The following RORA variants were observed in gnomAD, a reference collection of about 807,000 sequenced individuals.
RORA encodes RAR related orphan receptor A, also known as nuclear receptor ROR-alpha.
Under a neutral mutation model 69.5 loss-of-function variants are expected in RORA, and 7 were observed. The ratio of observed to expected loss-of-function variants is 0.10; its 90% CI spans 0.06 to 0.19. The LOEUF is 0.19. Ranked by LOEUF, RORA falls within the 10% of genes least tolerant of loss-of-function variation. RORA has a pLI of 1.00. For synonymous variants in RORA, 261 were observed against 240.8 expected (o/e 1.08, Z -0.78); for missense variants, 457 against 663.0 (o/e 0.69, Z 3.41).
intron 2 of RORA, among the ~76,000 whole-genome samples, chr15:60,668,702 C>A (rs1488262199): frequency 6.6e-6 from 1 of 151,886 alleles, no homozygotes; most frequent in Non-Finnish European, 1.5e-5. Flanking sequence ...TCAGTTTTGT[C>A]GACACAAAAA....
At chr15:60,613,447 T>G (rs753223600) in intron 2 of RORA, among the ~76,000 whole-genome samples, 13 of 152,168 alleles carry the variant, frequency 8.5e-5, no homozygotes, top group Non-Finnish European at 1.6e-4. Context: ...AATCTTGTCC[T>G]GTCGCTTGTC....
In RORA at chr15:60,802,981, C is replaced by T. The variant is rs559300576; in HGVS notation, c.167-124295G>A. Among the ~76,000 whole-genome samples, 380 of 152,154 alleles carry T rather than the reference C, an allele frequency of 2.5e-3. 1 individual carries two copies. Among genetic ancestry groups the T allele is most frequent in the Non-Finnish European group, 4.5e-3 (308 of 68,002 alleles). On this transcript the variant is annotated intron_variant, in intron 1 of 10. Transcript: ENST00000335670. ...TTAAAAAAAAAAATTTAAAGCCATA[C>T]CACTTTATTTTGATTAATATGGACA...
At chr15:60,882,560 C>T (rs1294768537) in intron 1 of RORA, among the ~76,000 whole-genome samples, 1 of 152,018 alleles carries the variant, frequency 6.6e-6, no homozygotes. Context: ...ATGCGGCACT[C>T]AGGTTAGGTA....
At chr15:60,960,878 A>G (rs1286442077) in intron 1 of RORA, among the ~76,000 whole-genome samples, 1 of 152,144 alleles carries the variant, frequency 6.6e-6, no homozygotes, top group Admixed American at 6.6e-5. Flanking sequence ...CCTCAAAGCA[A>G]CCCAAGAGAC....
intron 1 of RORA, among the ~76,000 whole-genome samples, chr15:60,880,059 A>C (rs914837649): frequency 1.3e-5 from 2 of 152,196 alleles, no homozygotes; most frequent in East Asian, 3.8e-4. Flanking sequence ...TGGCCTGCAC[A>C]CAGACAAATG....
chr15:60,906,049 T>G (rs1355346460), intron 1 of RORA, among the ~76,000 whole-genome samples: 1 of 152,222 alleles, frequency 6.6e-6, no homozygotes, highest in Non-Finnish European at 1.5e-5. Context: ...CCCTTTTACT[T>G]GAGCATCATT....
At chr15:60,707,104 C>T (rs535723094) in intron 1 of RORA, among the ~76,000 whole-genome samples, 138 of 152,268 alleles carry the variant, frequency 9.1e-4, no homozygotes, top group South Asian at 2.9e-3. Flanking sequence ...ACAAGTCCAT[C>T]CGATGGCCCT....
Position 60,606,280 on chromosome 15 carries a change from C to T in RORA, c.196+72377G>A, listed in dbSNP as rs183973117. ...CATTCAGTAAATGCTATTGTTGGAA[C>T]GAATGAATGAATTAAAGGGCTCCTA... On this transcript the variant is annotated intron_variant, in intron 2 of 10. Transcript: ENST00000335670. Among the ~76,000 whole-genome samples the T allele has an allele frequency of 8.3e-4, 127 of 152,242 alleles. 1 individual carries two copies. The highest frequency in any genetic ancestry group is 2.9e-3 in the African/African-American group (122 of 41,532).
intron 1 of RORA, among the ~76,000 whole-genome samples, chr15:61,016,895 C>T (rs949444577): frequency 6.6e-6 from 1 of 152,054 alleles, no homozygotes; most frequent in Non-Finnish European, 1.5e-5. Context: ...TAAGTGAGAC[C>T]TGGAAATAAG....
At chr15:60,757,599 C>T (rs931490995) in intron 1 of RORA, among the ~76,000 whole-genome samples, 1 of 152,168 alleles carries the variant, frequency 6.6e-6, no homozygotes, top group African/African-American at 2.4e-5. Context: ...AATCCGTCTT[C>T]TGATTCTGAG....
At chr15:61,054,109 G>A (rs1334319008) in intron 1 of RORA, among the ~76,000 whole-genome samples, 1 of 151,756 alleles carries the variant, frequency 6.6e-6, no homozygotes, top group Non-Finnish European at 1.5e-5. Flanking sequence ...AAATCCACTT[G>A]GATTGAGCAT....
At chr15:60,735,733 T>A (rs2071488317) in intron 1 of RORA, among the ~76,000 whole-genome samples, 1 of 152,064 alleles carries the variant, frequency 6.6e-6, no homozygotes, top group Non-Finnish European at 1.5e-5. Context: ...TGGGTAAAAT[T>A]TCACAAGGCA....
At chr15:60,742,785 T>A (rs1012452321) in intron 1 of RORA, among the ~76,000 whole-genome samples, 1 of 152,204 alleles carries the variant, frequency 6.6e-6, no homozygotes, top group Non-Finnish European at 1.5e-5. Flanking sequence ...TCTAGGTCCA[T>A]CCATGTTGTT....
rs2079529988 is a variant in RORA, at chr15:61,165,148, ATTC to A, written c.166+63902_166+63904del. 2.0e-5 allele frequency among the ~76,000 whole-genome samples: 3 copies of A among 152,286 alleles called. No homozygotes were observed. In the South Asian group the frequency reaches 6.2e-4, roughly 32 times the overall value. Reference sequence around the variant, plus strand: ...CTGTGTGTGAAAAAACACTTGTTTCATTCTTTTCACCTTCCTGCTGCCTCAACA... The same window carrying A: ...CTGTGTGTGAAAAAACACTTGTTTCATTTTCACCTTCCTGCTGCCTCAACA... On this transcript the variant is annotated intron_variant, in intron 1 of 10. Transcript: ENST00000335670.
Position 61,208,692 on chromosome 15 carries a change from G to C in RORA, c.166+20361C>G, listed in dbSNP as rs149256713. 1.5e-3 allele frequency among the ~76,000 whole-genome samples: 232 copies of C among 152,268 alleles called. 4 individuals carry two copies. The East Asian group carries it at 0.039, about 25-fold the overall frequency. On this transcript the variant is annotated intron_variant, in intron 1 of 10. Transcript: ENST00000335670. Reference sequence around the variant, plus strand: ...GTTCAGTGCCTCTCTGTACTAAGGAGAAGGTGAGGTCTCAGGGTGAAAGCC... The same window carrying C: ...GTTCAGTGCCTCTCTGTACTAAGGACAAGGTGAGGTCTCAGGGTGAAAGCC...
chr15:60,510,841 G>T (rs951453481), intron 5 of RORA, among the ~76,000 whole-genome samples: 14 of 151,782 alleles, frequency 9.2e-5, no homozygotes, highest in African/African-American at 3.2e-4. Flanking sequence ...AAAAAAATAT[G>T]TCTGTGGGCC....
chr15:61,060,581 G>A (rs1161106074), intron 1 of RORA, among the ~76,000 whole-genome samples: 1 of 152,168 alleles, frequency 6.6e-6, no homozygotes, highest in African/African-American at 2.4e-5. Context: ...AATGTGAGCT[G>A]CTCAGGGAAA....
At chr15:61,110,188 A>G (rs1184697177) in intron 1 of RORA, among the ~76,000 whole-genome samples, 2 of 152,148 alleles carry the variant, frequency 1.3e-5, no homozygotes, top group African/African-American at 2.4e-5. Flanking sequence ...CACGAGGTCA[A>G]GAGATCATGA....
At chr15:60,803,164 A>AT (rs1567196742) in intron 1 of RORA, among the ~76,000 whole-genome samples, 4 of 152,224 alleles carry the variant, frequency 2.6e-5, no homozygotes, top group African/African-American at 9.7e-5. Flanking sequence ...GCCTATAGCA[A>AT]TTTATCATTT....
Sources: allele counts gnomAD v4.1 joint callset (sites outside exome capture counted in the v4.1 genomes callset), GRCh38; gene constraint gnomAD v4.1.1; transcripts MANE v1.5; gene names NCBI Gene and HGNC (gene_info 2026-07-23, HGNC 2026-07-21).